PLD5: variants seen among roughly 807,000 people sequenced by gnomAD.
PLD5 encodes inactive phospholipase D5.
Under a neutral mutation model 61.1 loss-of-function variants are expected in PLD5, and 36 were observed. The observed-to-expected ratio is 0.59, with a 90% confidence interval of 0.45 to 0.78. The LOEUF is 0.78. Among genes scored for constraint, PLD5 ranks in the 30% least tolerant of loss-of-function variants. The pLI is 0.00. For synonymous variants in PLD5, 243 were observed against 242.8 expected, an observed-to-expected ratio of 1.00 and a Z score of -0.01; for missense variants, 515 against 644.4, an observed-to-expected ratio of 0.80 and a Z score of 2.17.
intron 2 of PLD5, among the ~76,000 whole-genome samples, chr1:242,297,445 C>T (rs1327022048): frequency 7.0e-6 from 1 of 143,176 alleles, no homozygotes; most frequent in Middle Eastern, 3.8e-3. Flanking sequence ...CTTGCTCTGT[C>T]ATCCAGGCTA....
At chr1:242,497,319 T>G (rs1668403074) in intron 1 of PLD5, among the ~76,000 whole-genome samples, 2 of 152,232 alleles carry the variant, frequency 1.3e-5, no homozygotes, top group Non-Finnish European at 2.9e-5. Context: ...CTATTAATGA[T>G]GTCTTATTAT....
chr1:242,489,710 G>T (rs1668078734), intron 1 of PLD5, among the ~76,000 whole-genome samples: 1 of 152,164 alleles, frequency 6.6e-6, no homozygotes, highest in South Asian at 2.1e-4. Flanking sequence ...ACATGGGTGA[G>T]GAATCCTCGT....
At chr1:242,509,188 G>A (rs1572266628) in intron 1 of PLD5, among the ~76,000 whole-genome samples, 1 of 152,000 alleles carries the variant, frequency 6.6e-6, no homozygotes, top group Non-Finnish European at 1.5e-5. Context: ...ACCAGCCTGG[G>A]CAACAAGGTG....
At chr1:242,098,309 C>G (rs1660409501) in intron 9 of PLD5, among the ~76,000 whole-genome samples, 1 of 152,134 alleles carries the variant, frequency 6.6e-6, no homozygotes, top group Non-Finnish European at 1.5e-5. Flanking sequence ...TTTCATTCAT[C>G]TGATCTTCCA....
chr1:242,135,466 C>T (rs1663642437), intron 5 of PLD5, among the ~76,000 whole-genome samples: 1 of 152,202 alleles, frequency 6.6e-6, no homozygotes, highest in Non-Finnish European at 1.5e-5. Context: ...CCATTCTCTG[C>T]TGCTGCCTGA....
At chr1:242,095,525 C>T (rs888622345) in intron 9 of PLD5, among the ~76,000 whole-genome samples, 1 of 152,178 alleles carries the variant, frequency 6.6e-6, no homozygotes, top group African/African-American at 2.4e-5. Context: ...AGCCACCACG[C>T]CCGGCCTAAA....
intron 4 of PLD5, among the ~76,000 whole-genome samples, chr1:242,224,931 A>C (rs1271955134): frequency 6.6e-6 from 1 of 152,190 alleles, no homozygotes; most frequent in South Asian, 2.1e-4. Flanking sequence ...AATGCAAAAC[A>C]GTGTCATCGT....
chr1:242,152,768 T>A (rs1329271852), intron 5 of PLD5, among the ~76,000 whole-genome samples: 1 of 152,190 alleles, frequency 6.6e-6, no homozygotes, highest in African/African-American at 2.4e-5. Flanking sequence ...GATGGACATT[T>A]GGGTTGGTTC....
At chr1:242,124,193 A>G (rs1662601951) in intron 6 of PLD5, among the ~76,000 whole-genome samples, 1 of 152,182 alleles carries the variant, frequency 6.6e-6, no homozygotes, top group Non-Finnish European at 1.5e-5. Flanking sequence ...CTTCATTTGC[A>G]AAATGGACAC....
At position 242,394,996 on chromosome 1, in the gene PLD5, T is replaced by A. The variant is rs868228901; in HGVS notation, c.190-46754A>T. ...ATATATGAATATATATGAATATATA[T>A]GTATATATGAATATATATGAATATA... On this transcript the variant is annotated intron_variant, in intron 1 of 9. Transcript: ENST00000536534. Among the ~76,000 whole-genome samples, 636 of 99,836 alleles carry A rather than the reference T, an allele frequency of 6.4e-3. 6 individuals are homozygous for A. The highest frequency in any genetic ancestry group is 0.017 in the East Asian group (54 of 3,100). 65.5% of individuals were successfully genotyped at this position (99,836 alleles called of 152,430 possible).
At chr1:242,318,994 C>T (rs1339588660) in intron 2 of PLD5, among the ~76,000 whole-genome samples, 1 of 152,058 alleles carries the variant, frequency 6.6e-6, no homozygotes, top group Non-Finnish European at 1.5e-5. Flanking sequence ...ATTTCAGTCT[C>T]CCCTGATGTC....
At chr1:242,097,212 G>A (rs571487797) in intron 9 of PLD5, among the ~76,000 whole-genome samples, 96 of 152,252 alleles carry the variant, frequency 6.3e-4, no homozygotes, top group African/African-American at 2.1e-3. Context: ...ATAAACATAC[G>A]TGTGCATGTG....
At chr1:242,359,664 G>A (rs1209061892) in intron 1 of PLD5, among the ~76,000 whole-genome samples, 1 of 152,140 alleles carries the variant, frequency 6.6e-6, no homozygotes, top group African/African-American at 2.4e-5. Flanking sequence ...TTTATTGGAT[G>A]TATGCTCTTA....
chr1:242,157,820 A>G (rs1665507436), intron 5 of PLD5, among the ~76,000 whole-genome samples: 2 of 152,090 alleles, frequency 1.3e-5, no homozygotes, highest in Non-Finnish European at 2.9e-5. Flanking sequence ...AGGCAGTCTG[A>G]CCCTTAGCAA....
At chr1:242,413,221 G>A (rs987415501) in intron 1 of PLD5, among the ~76,000 whole-genome samples, 31 of 151,982 alleles carry the variant, frequency 2.0e-4, no homozygotes, top group African/African-American at 7.2e-4. Flanking sequence ...TCTTGAAAAT[G>A]CTCTTTCTTT....
At position 242,086,234 on chromosome 1, in the gene PLD5, T is replaced by C. The variant is rs1434307732; in HGVS notation, c.*3620A>G. On this transcript the variant is annotated 3_prime_UTR_variant, in exon 10 of 10. Coordinates refer to ENST00000536534, the MANE Select transcript of PLD5 (RefSeq NM_001372062.1). ...GAGAGGGCCCGAATGGTGCCCAGAG[T>C]TACACAGGTGCAAAGTGTATCCGCA... 6.6e-6 allele frequency: 1 copy of C among 152,040 alleles called. No individual in the cohort carries two copies. The highest frequency in any genetic ancestry group is 1.5e-5 in the Non-Finnish European group (1 of 68,012). 9.4% of individuals were successfully genotyped at this position (152,040 alleles called of 1,614,324 possible). A position where few individuals can be genotyped will look rare whatever the true frequency, so the allele number is the denominator to read the frequency against.
intron 5 of PLD5, among the ~76,000 whole-genome samples, chr1:242,161,069 CAT>C (rs1236545128): frequency 1.3e-5 from 2 of 151,856 alleles, no homozygotes; most frequent in South Asian, 2.1e-4. Flanking sequence ...CATTGTAAAT[CAT>C]AAAATATTTT....
intron 4 of PLD5, among the ~76,000 whole-genome samples, chr1:242,229,827 G>T (rs1032387005): frequency 6.6e-6 from 1 of 151,426 alleles, no homozygotes; most frequent in Admixed American, 6.6e-5. Context: ...ACAAACTGAA[G>T]CAATTTTATT....
chr1:242,274,404 A>G (rs1337581688), intron 3 of PLD5, among the ~76,000 whole-genome samples: 2 of 152,144 alleles, frequency 1.3e-5, no homozygotes, highest in South Asian at 2.1e-4. Context: ...AAAAATAATA[A>G]AAGTCCTAAA....
Sources: allele counts gnomAD v4.1 joint callset (sites outside exome capture counted in the v4.1 genomes callset), GRCh38; gene constraint gnomAD v4.1.1; transcripts MANE v1.5; gene names NCBI Gene and HGNC (gene_info 2026-07-23, HGNC 2026-07-21).